VAV3: variants seen among roughly 807,000 people sequenced by gnomAD.
VAV3 encodes the protein guanine nucleotide exchange factor VAV3.
VAV3 carries 94 observed loss-of-function variants against 131.2 expected under a neutral mutation model. The ratio of observed to expected loss-of-function variants is 0.72; its 90% confidence interval spans 0.61 to 0.85. The LOEUF (loss-of-function observed/expected upper bound fraction) is 0.85, where lower values mean the gene tolerates loss of function less well. Among genes scored for constraint, VAV3 ranks in the 40% least tolerant of loss-of-function variants. The pLI is 0.00. For synonymous variants in VAV3, 349 were observed against 342.0 expected (o/e 1.02, Z -0.22); for missense variants, 939 against 1,002.7 (o/e 0.94, Z 0.86).
At chr1:107,817,584 G>T (rs1667612282) in intron 2 of VAV3, among the ~76,000 whole-genome samples, 1 of 152,166 alleles carries the variant, frequency 6.6e-6, no homozygotes, top group Non-Finnish European at 1.5e-5. Context: ...TACTCAAATG[G>T]AAGGGAGACA....
chr1:107,573,055 T>A lies in VAV3; in HGVS notation c.*276A>T, dbSNP rs1288616864. ...GCACGAACCAATGTGTTTGCAGGGC[T>A]CTTCTGGGAAGAACAGCTCTTGGTT... On this transcript the variant is annotated 3_prime_UTR_variant, in exon 27 of 27. Coordinates refer to ENST00000370056, the MANE Select transcript of VAV3 (RefSeq NM_006113.5). The A allele has an allele frequency of 2.4e-6, 1 of 423,300 alleles. No individual in the cohort carries two copies. Among genetic ancestry groups the A allele is most frequent in the African/African-American group, 2.0e-5 (1 of 48,918 alleles). 26.2% of individuals were successfully genotyped at this position (423,300 alleles called of 1,614,324 possible). A position where few individuals can be genotyped will look rare whatever the true frequency, so the allele number is the denominator to read the frequency against.
At chr1:107,787,217 C>T (rs890395213) in intron 2 of VAV3, among the ~76,000 whole-genome samples, 6 of 152,200 alleles carry the variant, frequency 3.9e-5, no homozygotes, top group African/African-American at 1.4e-4. Context: ...ATTGCTCTTT[C>T]CACTTCACTA....
chr1:107,846,864 G>A (rs143229957), intron 2 of VAV3, among the ~76,000 whole-genome samples: 1,649 of 152,148 alleles, frequency 0.011, 32 homozygotes, highest in African/African-American at 0.038. Flanking sequence ...ACAGATCAAC[G>A]AAACAGAAAA....
intron 15 of VAV3, among the ~76,000 whole-genome samples, chr1:107,744,214 C>G (rs1359597053): frequency 6.6e-6 from 1 of 152,170 alleles, no homozygotes; most frequent in Non-Finnish European, 1.5e-5. Context: ...TACCATTAGT[C>G]CTTGTGTTTA....
intron 25 of VAV3, among the ~76,000 whole-genome samples, chr1:107,578,298 A>T (rs1181399559): frequency 1.3e-5 from 2 of 152,194 alleles, no homozygotes; most frequent in Non-Finnish European, 2.9e-5. Flanking sequence ...TCCATTGCAC[A>T]TTCTGCAGTA....
At chr1:107,756,257 A>AT (rs1664092579) in intron 11 of VAV3, among the ~76,000 whole-genome samples, 1 of 152,058 alleles carries the variant, frequency 6.6e-6, no homozygotes, top group African/African-American at 2.4e-5. Flanking sequence ...TGTGCTCCAG[A>AT]TTTTCCTGTT....
intron 2 of VAV3, among the ~76,000 whole-genome samples, chr1:107,802,995 T>C (rs1666896592): frequency 6.6e-6 from 1 of 152,052 alleles, no homozygotes; most frequent in Non-Finnish European, 1.5e-5. Context: ...TGAGAGACTT[T>C]TTATTACGGC....
At chr1:107,801,321 A>G (rs1666818376) in intron 2 of VAV3, among the ~76,000 whole-genome samples, 1 of 152,164 alleles carries the variant, frequency 6.6e-6, no homozygotes, top group South Asian at 2.1e-4. Flanking sequence ...GATAAAATTT[A>G]GAACATTTTT....
At chr1:107,794,537 T>C (rs145654277) in intron 2 of VAV3, among the ~76,000 whole-genome samples, 1 of 152,324 alleles carries the variant, frequency 6.6e-6, no homozygotes, top group East Asian at 1.9e-4. Context: ...GAGATTCCCT[T>C]CTCTCTTTCA....
rs6674017 is a variant in VAV3 at position 107,658,891 on chromosome 1, C to T, written c.1778-16136G>A. ...TAGGTTGCAAAAATTTTCTCCCATT[C>T]TGTAGGTTGTCTGTTCACTCTGATG... On this transcript the variant is annotated intron_variant, in intron 19 of 26. Coordinates refer to ENST00000370056, the MANE Select transcript of VAV3 (RefSeq NM_006113.5). Among the ~76,000 whole-genome samples the T allele has an allele frequency of 9.2e-3, 1,393 of 152,170 alleles. 11 individuals are homozygous for T. The highest frequency in any genetic ancestry group is 0.028 in the African/African-American group (1,173 of 41,512).
intron 19 of VAV3, among the ~76,000 whole-genome samples, chr1:107,646,365 C>T (rs577682451): frequency 4.1e-4 from 62 of 152,032 alleles, no homozygotes; most frequent in Admixed American, 1.6e-3. Context: ...TTATTTACAA[C>T]AGATGTGTTA....
At chr1:107,757,149 GTATA>G (rs914068206) in intron 11 of VAV3, 108 bp downstream of exon 11, 9 of 668,378 alleles carry the variant, frequency 1.3e-5, no homozygotes, top group African/African-American at 1.0e-4. Flanking sequence ...ATATATGTGT[GTATA>G]TGTGTGTGTG....
chr1:107,675,545 G>T (rs1458020697), intron 19 of VAV3, among the ~76,000 whole-genome samples: 1 of 152,156 alleles, frequency 6.6e-6, no homozygotes, highest in Non-Finnish European at 1.5e-5. Context: ...AATTTAAAAA[G>T]ATCTCTCCTT....
At chr1:107,922,634 A>G (rs562832519) in intron 1 of VAV3, among the ~76,000 whole-genome samples, 4 of 152,302 alleles carry the variant, frequency 2.6e-5, no homozygotes, top group African/African-American at 7.2e-5. Context: ...GGTGTGACTC[A>G]TGTACAATAA....
chr1:107,909,667 C>G (rs1672275218), intron 1 of VAV3, among the ~76,000 whole-genome samples: 1 of 151,946 alleles, frequency 6.6e-6, no homozygotes, highest in Non-Finnish European at 1.5e-5. Flanking sequence ...AACAAATTAC[C>G]AAGTCTATAT....
chr1:107,839,461 G>A (rs1668603406), intron 2 of VAV3, among the ~76,000 whole-genome samples: 1 of 152,042 alleles, frequency 6.6e-6, no homozygotes, highest in Non-Finnish European at 1.5e-5. Context: ...AATGAACTTT[G>A]AAATATTTTA....
At chr1:107,714,194 C>G (rs1660953902) in intron 15 of VAV3, among the ~76,000 whole-genome samples, 1 of 152,100 alleles carries the variant, frequency 6.6e-6, no homozygotes, top group South Asian at 2.1e-4. Flanking sequence ...AGGAATCACT[C>G]TCCATATAGT....
chr1:107,839,850 C>T (rs916727643), intron 2 of VAV3, among the ~76,000 whole-genome samples: 4 of 152,090 alleles, frequency 2.6e-5, no homozygotes, highest in Non-Finnish European at 5.9e-5. Flanking sequence ...ATCATTACTA[C>T]TAATTCCATG....
intron 15 of VAV3, among the ~76,000 whole-genome samples, chr1:107,712,951 C>A (rs541831327): frequency 6.6e-6 from 1 of 152,052 alleles, no homozygotes; most frequent in Admixed American, 6.6e-5. Flanking sequence ...GGAAGAATTT[C>A]GGGACAGAGG....
Sources: gnomAD v4.1 joint callset for allele counts (sites outside exome capture counted in the v4.1 genomes callset) on GRCh38, gnomAD v4.1.1 for gene constraint, MANE v1.5 for transcripts, NCBI Gene and HGNC (gene_info 2026-07-23, HGNC 2026-07-21) for gene names.